PAGE2B: variants seen among roughly 807,000 people sequenced by gnomAD.
The protein encoded by PAGE2B is PAGE family member 2B.
In PAGE2B, 5 loss-of-function variants were observed where a neutral mutation model predicts 7.6. The observed-to-expected ratio is 0.66, with a 90% confidence interval of 0.34 to 1.38. The LOEUF (loss-of-function observed/expected upper bound fraction) is 1.38. PAGE2B is among the 40% of genes most tolerant of loss of function. The pLI is 0.04. For synonymous variants in PAGE2B, 29 were observed against 26.7 expected (o/e 1.09, Z -0.27); for missense variants, 70 against 78.4 (o/e 0.89, Z 0.41).
the PAGE2B span, among the ~76,000 whole-genome samples, chrX:55,053,669 C>T: frequency 8.9e-6 from 1 of 111,812 alleles, no homozygotes; most frequent in Non-Finnish European, 1.9e-5. Context: ...TGGTCACCAT[C>T]CCAGGAATTC....
At chrX:55,036,915 G>C in the PAGE2B span, among the ~76,000 whole-genome samples, 104 of 110,202 alleles carry the variant, frequency 9.4e-4, no homozygotes, top group African/African-American at 3.3e-3. Context: ...ATGGATTAAA[G>C]ACTTACATGT....
chrX:55,037,470 C>A, the PAGE2B span, among the ~76,000 whole-genome samples: 1 of 111,132 alleles, frequency 9.0e-6, no homozygotes, highest in African/African-American at 3.3e-5. Flanking sequence ...GAAACTAGTT[C>A]AACCATTGTG....
chrX:55,076,056 G>A lies in PAGE2B; in HGVS notation c.15G>A (p.Val5=), dbSNP rs754733545. 3 of 1,207,994 alleles carry A rather than the reference G, an allele frequency of 2.5e-6. No individual in the cohort carries two copies. In the East Asian group the frequency reaches 8.9e-5, roughly 36 times the overall value. The change falls in exon 2 of 5, where the codon GTG becomes GTA. Residue 5 remains valine, a synonymous_variant. Coordinates refer to ENST00000374971, the MANE Select transcript of PAGE2B (RefSeq NM_001015038.3). MSEH[V]RTRSQSSERG... ...CAGTGGGAAATATGAGTGAGCATGT[G>A]AGAACAAGATCCCAATCCTCAGAAA...
the PAGE2B span, among the ~76,000 whole-genome samples, chrX:55,036,238 A>G: frequency 8.9e-6 from 1 of 111,768 alleles, no homozygotes. Context: ...CAATCATGTC[A>G]TCTGCAAACA....
At chrX:55,058,836 G>A in the PAGE2B span, among the ~76,000 whole-genome samples, 1,373 of 110,682 alleles carry the variant, frequency 0.012, 23 homozygotes, top group African/African-American at 0.042. Flanking sequence ...AGTCTGGAGT[G>A]TTAGTCTTCG....
chrX:55,037,739 C>T, the PAGE2B span, among the ~76,000 whole-genome samples: 1 of 109,911 alleles, frequency 9.1e-6, no homozygotes, highest in South Asian at 3.9e-4. Context: ...AGGATGAGTT[C>T]ATTTCTTTGT....
At chrX:55,038,595 T>TC in the PAGE2B span, among the ~76,000 whole-genome samples, 2 of 111,779 alleles carry the variant, frequency 1.8e-5, no homozygotes, top group Non-Finnish European at 3.8e-5. Flanking sequence ...GGTTTAGCTG[T>TC]CTCTTACTTT....
At chrX:55,071,607 T>C (rs1322725508), upstream of PAGE2B, among the ~76,000 whole-genome samples, 1 of 111,767 alleles carries the variant, frequency 8.9e-6, no homozygotes, top group Non-Finnish European at 1.9e-5. Flanking sequence ...CCTTGCTAGG[T>C]TGGGGAAGTT....
chrX:55,050,341 G>A, the PAGE2B span, among the ~76,000 whole-genome samples: 10 of 110,864 alleles, frequency 9.0e-5, no homozygotes, highest in Admixed American at 2.9e-4. Context: ...GTGCAGAGCT[G>A]AGTTCAATTC....
At chrX:55,075,964 G>C in intron 1 of PAGE2B, 70 bp from the exon 2 acceptor site, 1 of 971,322 alleles carries the variant, frequency 1.0e-6, no homozygotes, top group Non-Finnish European at 1.4e-6. Flanking sequence ...TCACCATTTT[G>C]CCATGGAATG....
chrX:55,052,988 T>A, the PAGE2B span, among the ~76,000 whole-genome samples: 18 of 113,008 alleles, frequency 1.6e-4, no homozygotes, highest in Non-Finnish European at 3.0e-4. Flanking sequence ...TTAGTAGTTA[T>A]TTTAAAACTT....
chrX:55,058,781 A>T, the PAGE2B span, among the ~76,000 whole-genome samples: 1 of 111,143 alleles, frequency 9.0e-6, no homozygotes, highest in African/African-American at 3.3e-5. Context: ...CCTGTTTCTG[A>T]AGACTGTGTT....
At chrX:55,069,372 C>T in the PAGE2B span, among the ~76,000 whole-genome samples, 1 of 111,811 alleles carries the variant, frequency 8.9e-6, no homozygotes, top group African/African-American at 3.3e-5. Context: ...ACCAGCCTTG[C>T]ATCCCAGGGA....
chrX:55,051,858 G>A, the PAGE2B span, among the ~76,000 whole-genome samples: 1,044 of 112,162 alleles, frequency 9.3e-3, 12 homozygotes, highest in African/African-American at 0.032. Flanking sequence ...GTGATGAGCT[G>A]CGTTCCTTTG....
the PAGE2B span, among the ~76,000 whole-genome samples, chrX:55,045,735 T>C: frequency 1.8e-5 from 2 of 111,437 alleles, no homozygotes; most frequent in African/African-American, 6.5e-5. Context: ...GTCTGAGACA[T>C]CTAAGCAGTG....
chrX:55,042,477 A>C, the PAGE2B span, among the ~76,000 whole-genome samples: 1 of 107,072 alleles, frequency 9.3e-6, no homozygotes, highest in African/African-American at 3.4e-5. Flanking sequence ...AAGCGGTGAA[A>C]CCCCGTCTCT....
At chrX:55,050,538 A>C in the PAGE2B span, among the ~76,000 whole-genome samples, 14 of 110,341 alleles carry the variant, frequency 1.3e-4, no homozygotes, top group Non-Finnish European at 2.3e-4. Flanking sequence ...CTTCTTGTTG[A>C]ATTGATCCCT....
At chrX:55,050,770 A>C in the PAGE2B span, among the ~76,000 whole-genome samples, 3 of 111,574 alleles carry the variant, frequency 2.7e-5, no homozygotes, top group Non-Finnish European at 5.6e-5. Flanking sequence ...CCAGTTTGCC[A>C]GTCTGTGCCT....
At chrX:55,061,368 GTAGTTTT>G in the PAGE2B span, among the ~76,000 whole-genome samples, 2 of 110,807 alleles carry the variant, frequency 1.8e-5, no homozygotes, top group Non-Finnish European at 3.8e-5. Flanking sequence ...TACCTGATAG[GTAGTTTT>G]TCAATCCTCA....
Sources: allele counts gnomAD v4.1 joint callset (sites outside exome capture counted in the v4.1 genomes callset), GRCh38; gene constraint gnomAD v4.1.1; transcripts MANE v1.5; gene names NCBI Gene and HGNC (gene_info 2026-07-23, HGNC 2026-07-21).